NES: variants seen among roughly 807,000 people sequenced by gnomAD.
The protein encoded by NES is nestin.
A neutral mutation model predicts 35.6 loss-of-function variants in NES; 27 were observed. The observed-to-expected ratio is 0.76, with a 90% CI of 0.56 to 1.04. The LOEUF (loss-of-function observed/expected upper bound fraction) is 1.04. Ranked by LOEUF, NES falls within the 50% of genes least tolerant of loss-of-function variation. The pLI, the probability that NES is intolerant of heterozygous loss-of-function variation, is 0.00. For synonymous variants in NES, 822 were observed against 824.2 expected (o/e 1.00, Z 0.04); for missense variants, 1,867 against 1,983.6 (o/e 0.94, Z 1.12).
chr1:156,675,462 T>A, intron 1 of NES, 122 bp from the exon 2 acceptor site: 1 of 1,189,582 alleles, frequency 8.4e-7, no homozygotes, highest in Non-Finnish European at 1.1e-6. Flanking sequence ...CTTATCTGTG[T>A]AGCAGACCCC....
At position 156,669,629 on chromosome 1, in the gene NES, G is replaced by T. The variant is rs764216837; in HGVS notation, c.4559C>A (p.Pro1520His). The T allele has an allele frequency of 1.4e-5, 22 of 1,613,942 alleles. No individual in the cohort carries two copies. Among genetic ancestry groups the T allele is most frequent in the Admixed American group, 1.7e-5 (1 of 59,996 alleles). Reference protein sequence around the residue: ...EDKVPGPLEIPSGMEDAGPGA... With the variant: ...EDKVPGPLEIHSGMEDAGPGA... ...TGGGCCTGCATCCTCCATCCCACTG[G>T]GGATCTCTAGAGGGCCAGGGACTTT... Residue 1520 changes from proline (P) to histidine (H), a missense_variant, in exon 4 of 4, where the codon CCC becomes CAC. Coordinates refer to ENST00000368223, the MANE Select transcript of NES (RefSeq NM_006617.2).
At position 156,677,228 on chromosome 1, in the gene NES, A is replaced by ACATCTGAAACGACTCCTCCCC; in HGVS notation, c.16_36dup (p.Gly6_Met12dup). 1 of 1,612,364 alleles carries ACATCTGAAACGACTCCTCCCC rather than the reference A, an allele frequency of 6.2e-7. No individual in the cohort carries two copies. The highest frequency in any genetic ancestry group is 8.5e-7 in the Non-Finnish European group (1 of 1,179,752). The stretch of plus-strand genomic sequence containing the variant: ...GCCTCCAGGCGCCGATTGAGCTCCC[A>ACATCTGAAACGACTCCTCCCC]CATCTGAAACGACTCCTCCCCCATG... On this transcript the variant is annotated inframe_insertion, in exon 1 of 4. Transcript: ENST00000368223. The surrounding 1 kb of genome is among the most constrained non-coding windows in gnomAD (Gnocchi z 4.5).
rs1571461881 is a variant in NES, at chr1:156,670,080, C to T, written c.4108G>A (p.Glu1370Lys). The T allele has an allele frequency of 6.2e-7, 1 of 1,614,042 alleles. No homozygotes were observed. The highest frequency in any genetic ancestry group is 8.5e-7 in the Non-Finnish European group (1 of 1,179,952). Residue 1370 changes from glutamate to lysine, a missense_variant, in exon 4 of 4, where the codon GAG becomes AAG. Physicochemically the swap from Glu to Lys is moderately conservative, Grantham distance 56. Transcript: ENST00000368223. Reference sequence around the variant, plus strand: ...AAAGGTGCCTCAGTCCCCAGGTCCTCAAATTCTTCTGACAGGTCAGAGTCA... The same window carrying T: ...AAAGGTGCCTCAGTCCCCAGGTCCTTAAATTCTTCTGACAGGTCAGAGTCA... ...GRDSDLSEEF[E>K]DLGTEAPFLP...
rs1398755337 is a variant in NES, at chr1:156,671,504, A to G, written c.2684T>C (p.Leu895Pro). ...CAAATTCTCCAGGTTCCATGCTCCC[A>G]GAGATCTCAATGATTCCTGATTCTC... Reference protein sequence around the residue: ...EEENQESLRSLGAWNLENLRS... With the variant: ...EEENQESLRSPGAWNLENLRS... The change falls in exon 4 of 4, where the codon CTG becomes CCG. Residue 895 changes from leucine to proline, a missense_variant. Coordinates refer to ENST00000368223, the MANE Select transcript of NES (RefSeq NM_006617.2). 1 of 1,613,904 alleles carries G rather than the reference A, an allele frequency of 6.2e-7. No homozygotes were observed. Among genetic ancestry groups the G allele is most frequent in the Non-Finnish European group, 8.5e-7 (1 of 1,180,006 alleles).
rs945978156 is a variant in NES at position 156,671,941 on chromosome 1, T to G, written c.2247A>C (p.Glu749Asp). The change falls in exon 4 of 4, where the codon GAA becomes GAC. Residue 749 changes from glutamate (E) to aspartate (D), a missense_variant. Glu to Asp is a conservative substitution (Grantham distance 45, BLOSUM62 2). Coordinates refer to ENST00000368223, the MANE Select transcript of NES (RefSeq NM_006617.2). ...GAGTTCTCAATGTCTCTTGGTCCTG[T>G]TCTTCTAAAGACCTCAGTGATTTGT... ...ENHKSLRSLE[E>D]QDQETLRTLE... The G allele has an allele frequency of 6.2e-6, 10 of 1,614,214 alleles. No individual in the cohort carries two copies. The highest frequency in any genetic ancestry group is 6.8e-6 in the Non-Finnish European group (8 of 1,180,038).
intron 3 of NES, 99 bp from the exon 4 acceptor site, chr1:156,673,304 C>G (rs1414917173): frequency 3.9e-6 from 5 of 1,293,404 alleles, no homozygotes; most frequent in Non-Finnish European, 5.3e-6. Flanking sequence ...ATGCGCCTGC[C>G]CCTGGCGCCC....
In NES at chr1:156,670,067, G is replaced by A. The variant is rs1435140389; in HGVS notation, c.4121C>T (p.Thr1374Ile). 3.1e-6 allele frequency: 5 copies of A among 1,614,008 alleles called. No homozygotes were observed. The highest frequency in any genetic ancestry group is 4.2e-6 in the Non-Finnish European group (5 of 1,179,960). The change falls in exon 4 of 4, where the codon ACT becomes ATT. Residue 1374 changes from threonine (T) to isoleucine (I), a missense_variant. By Grantham distance (89) the Thr-to-Ile change is moderately conservative. Transcript: ENST00000368223. ...DLSEEFEDLG[T>I]EAPFLPGVPG... ...GACCCCAGGAAGAAAAGGTGCCTCAGTCCCCAGGTCCTCAAATTCTTCTGA... is the reference window on the plus strand; with the variant it reads ...GACCCCAGGAAGAAAAGGTGCCTCAATCCCCAGGTCCTCAAATTCTTCTGA...
Position 156,671,309 on chromosome 1 carries a change from T to C in NES, c.2879A>G (p.Glu960Gly). The C allele has an allele frequency of 6.2e-7, 1 of 1,614,150 alleles. No homozygotes were observed. The highest frequency in any genetic ancestry group is 1.1e-5 in the South Asian group (1 of 91,086). The change falls in exon 4 of 4, where the codon GAA (glutamate) becomes GGA (glycine). Residue 960 changes from glutamate to glycine, a missense_variant. Glu to Gly is a moderately conservative substitution (Grantham distance 98). Transcript: ENST00000368223. ...CCCAGGAGGGCTTTCCTGAGCCAGT[T>C]CTTGGTCCTTCTCCACCGTATCTTC... ...RWEDTVEKDQELAQESPPGMA... is the reference protein window; with the variant it reads ...RWEDTVEKDQGLAQESPPGMA...
At position 156,676,748 on chromosome 1, in the gene NES, G is replaced by C. The variant is rs1647306140; in HGVS notation, c.517C>G (p.Pro173Ala). ...APPRGPPAPA[P>A]EVEELARRLG... is the part of the protein sequence containing the mutation. The stretch of plus-strand genomic sequence containing the variant: ...CGCCTTGCCAGCTCCTCTACCTCCG[G>C]GGCCGGCGCGGGAGGCCCGCGGGGC... Residue 173 changes from proline (P) to alanine (A), a missense_variant, in exon 1 of 4, where the codon CCG (proline) becomes GCG (alanine). Coordinates refer to ENST00000368223, the MANE Select transcript of NES (RefSeq NM_006617.2). This position sits in a 1 kb window ranked among gnomAD's most constrained non-coding sequence, Gnocchi z 5.3. The C allele has an allele frequency of 4.4e-6, 6 of 1,359,658 alleles. No homozygotes were observed. In the African/African-American group the frequency reaches 6.1e-5, roughly 14 times the overall value. 84.2% of individuals were successfully genotyped at this position (1,359,658 alleles called of 1,614,324 possible). A position where few individuals can be genotyped will look rare whatever the true frequency, so the allele number is the denominator to read the frequency against.
rs761167862 is a variant in NES at position 156,677,031 on chromosome 1, C to G, written c.234G>C (p.Glu78Asp). The change falls in exon 1 of 4, where the codon GAG becomes GAC. Residue 78 changes from glutamate to aspartate, a missense_variant. By Grantham distance (45) the Glu-to-Asp change is conservative. Transcript: ENST00000368223. This position sits in a 1 kb window ranked among gnomAD's most constrained non-coding sequence, Gnocchi z 4.5. Reference protein sequence around the residue: ...DQRWREKHAAEVARDNLAEEL... With the variant: ...DQRWREKHAADVARDNLAEEL... ...CTTCAGCCAGGTTGTCGCGCGCCAC[C>G]TCGGCCGCGTGCTTCTCCCGCCAGC... 26 of 1,583,588 alleles carry G rather than the reference C, an allele frequency of 1.6e-5. No individual in the cohort carries two copies. In the South Asian group the frequency reaches 2.6e-4, roughly 16 times the overall value.
intron 1 of NES, among the ~76,000 whole-genome samples, chr1:156,675,636 A>G (rs1343526611): frequency 6.6e-6 from 1 of 152,088 alleles, no homozygotes; most frequent in African/African-American, 2.4e-5. Flanking sequence ...CTCCCACAGG[A>G]AGGGGAGGTG....
rs1571467398 is a variant in NES, at chr1:156,676,723, C to A, written c.542G>T (p.Arg181Leu). 6 of 1,402,554 alleles carry A rather than the reference C, an allele frequency of 4.3e-6. No individual in the cohort carries two copies. Among genetic ancestry groups the A allele is most frequent in the Non-Finnish European group, 5.5e-6 (6 of 1,088,974 alleles). 86.9% of individuals were successfully genotyped at this position (1,402,554 alleles called of 1,614,324 possible). A position where few individuals can be genotyped will look rare whatever the true frequency, so the allele number is the denominator to read the frequency against. ...TGCCCCGCGCCACGCCTCGCCCAGT[C>A]GCCTTGCCAGCTCCTCTACCTCCGG... Reference protein sequence around the residue: ...PAPEVEELARRLGEAWRGAVR... With the variant: ...PAPEVEELARLLGEAWRGAVR... Residue 181 changes from arginine to leucine, a missense_variant, in exon 1 of 4, where the codon CGA becomes CTA. Transcript: ENST00000368223. The surrounding 1 kb of genome is among the most constrained non-coding windows in gnomAD (Gnocchi z 5.3).
Position 156,671,863 on chromosome 1 carries a change from C to T in NES, c.2325G>A (p.Met775Ile). The T allele has an allele frequency of 6.2e-7, 1 of 1,613,976 alleles. No individual in the cohort carries two copies. The highest frequency in any genetic ancestry group is 8.5e-7 in the Non-Finnish European group (1 of 1,179,964). The change falls in exon 4 of 4, where the codon ATG (methionine) becomes ATA (isoleucine). Residue 775 changes from methionine (M) to isoleucine (I), a missense_variant. By Grantham distance (10) the Met-to-Ile change is conservative. Transcript: ENST00000368223. ...RRRSLGEQDQ[M>I]TLRPPEKVDL... ...CCACTTTTTCTGGGGGTCTTAATGT[C>T]ATCTGATCCTGTTCCCCTAGAGACC... is the stretch of plus-strand genomic sequence containing the variant.
At position 156,675,259 on chromosome 1, in the gene NES, C is replaced by A; in HGVS notation, c.865G>T (p.Ala289Ser). 1 of 1,613,702 alleles carries A rather than the reference C, an allele frequency of 6.2e-7. No homozygotes were observed. The change falls in exon 2 of 4, where the codon GCG becomes TCG. Residue 289 changes from alanine (A) to serine (S), a missense_variant. By Grantham distance (99) the Ala-to-Ser change is moderately conservative. Transcript: ENST00000368223. ...AGGCTGAGGGACATCTTGAGGTGCG[C>A]CAGCTGCTGCCGACCTTCCAGGACC... is the stretch of plus-strand genomic sequence containing the variant. ...AQVLEGRQQL[A>S]HLKMSLSLEV...
rs150673038 is a variant in NES at position 156,670,255 on chromosome 1, G to A, written c.3933C>T (p.Pro1311=). The change falls in exon 4 of 4, where the codon CCC becomes CCT. Residue 1311 remains proline (P), a synonymous_variant. Coordinates refer to ENST00000368223, the MANE Select transcript of NES (RefSeq NM_006617.2). ...TCTGCTCTCCAGTGGGGTCCCACCT[G>A]GGGGAGGTGGGGGACCTGAGGTAGA... is the stretch of plus-strand genomic sequence containing the variant. ...LGFYLRSPTS[P]RWDPTGEQRP... The A allele has an allele frequency of 1.9e-6, 3 of 1,611,872 alleles. No individual in the cohort carries two copies. Among genetic ancestry groups the A allele is most frequent in the East Asian group, 4.5e-5 (2 of 44,836 alleles).
rs201918051 is a variant in NES at position 156,672,116 on chromosome 1, G to A, written c.2072C>T (p.Pro691Leu). The A allele has an allele frequency of 1.1e-4, 183 of 1,610,774 alleles. No individual in the cohort carries two copies. Among genetic ancestry groups the A allele is most frequent in the Admixed American group, 1.0e-3 (62 of 59,162 alleles). Residue 691 changes from proline to leucine, a missense_variant, in exon 4 of 4, where the codon CCT (proline) becomes CTT (leucine). By Grantham distance (98) the Pro-to-Leu change is moderately conservative (BLOSUM62 -3). Transcript: ENST00000368223. Reference protein sequence around the residue: ...PEVGDEEALRPLTKENQEPLR... With the variant: ...PEVGDEEALRLLTKENQEPLR... ...GGGTTCCTGATTCTCCTTTGTCAGA[G>A]GTCTCAGTGCCTCCTCATCCCCTAC...
rs1178962677 is a variant in NES at position 156,670,595 on chromosome 1, T to A, written c.3593A>T (p.Asp1198Val). 6.2e-7 allele frequency: 1 copy of A among 1,613,656 alleles called. No homozygotes were observed. The highest frequency in any genetic ancestry group is 8.5e-7 in the Non-Finnish European group (1 of 1,179,846). Residue 1198 changes from aspartate to valine, a missense_variant, in exon 4 of 4, where the codon GAT becomes GTT. By Grantham distance (152) the Asp-to-Val change is radical. Transcript: ENST00000368223. ...CCCCAGAGGCCAAGGTGAAGGGGCATCACTTCCAGTGTGGCCCAGGGTCTC... is the reference window on the plus strand; with the variant it reads ...CCCCAGAGGCCAAGGTGAAGGGGCAACACTTCCAGTGTGGCCCAGGGTCTC... ...PAETLGHTGSDAPSPWPLGSE... is the reference protein window; with the variant it reads ...PAETLGHTGSVAPSPWPLGSE...
rs1401529187 is a variant in NES, at chr1:156,673,218, A to G, written c.983-13T>C. On this transcript the variant is annotated splice_polypyrimidine_tract_variant and intron_variant, in intron 3 of 3. Coordinates refer to ENST00000368223, the MANE Select transcript of NES (RefSeq NM_006617.2). ...TCCAGCTTGGGGTCTGGAAAGGCAGAGGGGGAAGAAACAGCATCAGTATAT... is the reference window on the plus strand; with the variant it reads ...TCCAGCTTGGGGTCTGGAAAGGCAGGGGGGGAAGAAACAGCATCAGTATAT... The G allele has an allele frequency of 8.0e-6, 12 of 1,493,946 alleles. No homozygotes were observed. The highest frequency in any genetic ancestry group is 8.0e-6 in the Non-Finnish European group (9 of 1,120,456). 92.5% of individuals were successfully genotyped at this position (1,493,946 alleles called of 1,614,324 possible).
In NES at chr1:156,669,353, T is replaced by C. The variant is rs372307137; in HGVS notation, c.4835A>G (p.Asp1612Gly). The change falls in exon 4 of 4, where the codon GAT becomes GGT. Residue 1612 changes from aspartate (D) to glycine (G), a missense_variant. Coordinates refer to ENST00000368223, the MANE Select transcript of NES (RefSeq NM_006617.2). Reference protein sequence around the residue: ...QFLKFTQREGDRESWSSGED With the variant: ...QFLKFTQREGGRESWSSGED ...CTCCCCTGAGGACCAGGACTCTCTA[T>C]CTCCTTCCCTCTGAGTGAACTTCAG... 4 of 1,593,662 alleles carry C rather than the reference T, an allele frequency of 2.5e-6. No individual in the cohort carries two copies. The highest frequency in any genetic ancestry group is 3.4e-6 in the Non-Finnish European group (4 of 1,165,512).
Sources: allele counts gnomAD v4.1 joint callset (sites outside exome capture counted in the v4.1 genomes callset), GRCh38; gene constraint gnomAD v4.1.1; non-coding constraint Gnocchi (gnomAD v3.1); transcripts MANE v1.5; gene names NCBI Gene and HGNC (gene_info 2026-07-23, HGNC 2026-07-21).